The following CACNA1B variants were observed in gnomAD, a reference collection of about 807,000 sequenced individuals.
The protein encoded by CACNA1B is voltage-dependent N-type calcium channel subunit alpha-1B.
CACNA1B carries 70 observed loss-of-function variants against 247.2 expected under a neutral mutation model. The observed-to-expected ratio is 0.28, with a 90% CI of 0.23 to 0.35. CACNA1B has a LOEUF of 0.35. CACNA1B is among the 10% of genes least tolerant of loss of function. CACNA1B has a pLI of 1.00. For missense variants in CACNA1B, 2,367 were observed against 3,197.4 expected (o/e 0.74, Z 6.26); for synonymous variants, 1,231 against 1,294.4 (o/e 0.95, Z 1.05).
In CACNA1B at chr9:138,120,205, C is replaced by T. The variant is rs1317101682; in HGVS notation, c.6071C>T (p.Thr2024Met). ...DASPMKRSIS[T>M]LAQRPRGTHL... The stretch of plus-strand genomic sequence containing the variant: ...AGCCCCATGAAGCGCTCCATCTCCA[C>T]GCTGGCCCAGCGGCCCCGTGGGACT... Residue 2024 changes from threonine (T) to methionine (M), a missense_variant, in exon 45 of 47, where the codon ACG becomes ATG. Coordinates refer to ENST00000371372, the MANE Select transcript of CACNA1B (RefSeq NM_000718.4). The T allele has an allele frequency of 5.6e-6, 9 of 1,608,718 alleles. No individual in the cohort carries two copies. The highest frequency in any genetic ancestry group is 2.2e-5 in the South Asian group (2 of 89,672).
At chr9:138,003,438 C>T (rs1030330651) in intron 15 of CACNA1B, among the ~76,000 whole-genome samples, 3 of 151,634 alleles carry the variant, frequency 2.0e-5, no homozygotes, top group African/African-American at 7.3e-5. Flanking sequence ...CCACTCCTGG[C>T]CGTGTGTGTT....
At chr9:138,097,984 A>G (rs1399080749) in intron 37 of CACNA1B, among the ~76,000 whole-genome samples, 1 of 152,150 alleles carries the variant, frequency 6.6e-6, no homozygotes, top group Non-Finnish European at 1.5e-5. Context: ...CAGTCTGGAC[A>G]AGGTCCAGAG....
chr9:138,105,516 G>A (rs1015159993), intron 38 of CACNA1B, among the ~76,000 whole-genome samples, 183 bp from the exon 39 acceptor site: 8 of 152,162 alleles, frequency 5.3e-5, no homozygotes, highest in Non-Finnish European at 1.0e-4. Context: ...GGGGCGGGGA[G>A]TCCAGGGGAG....
intron 3 of CACNA1B, among the ~76,000 whole-genome samples, chr9:137,896,702 AG>A (rs527666054): frequency 1.3e-5 from 2 of 152,248 alleles, no homozygotes; most frequent in Non-Finnish European, 2.9e-5. Flanking sequence ...AAACGGAATT[AG>A]TTCTTTAATG....
chr9:137,901,086 T>C (rs937632408), intron 3 of CACNA1B, among the ~76,000 whole-genome samples: 1 of 148,748 alleles, frequency 6.7e-6, no homozygotes, highest in African/African-American at 2.5e-5. Context: ...TGTCCCTGTG[T>C]CTGTGTCTGT....
Position 138,052,477 on chromosome 9 carries a change from A to G in CACNA1B, c.3807+289A>G, listed in dbSNP as rs959248897. ...CGGGAAAGGCTGCCGGGACAGGTGCAGGGTGGTGGAGGGAGATGCTGGAGG... is the reference window on the plus strand; with the variant it reads ...CGGGAAAGGCTGCCGGGACAGGTGCGGGGTGGTGGAGGGAGATGCTGGAGG... On this transcript the variant is annotated intron_variant, in intron 25 of 46. Transcript: ENST00000371372. The surrounding 1 kb of genome is among the most constrained non-coding windows in gnomAD (Gnocchi z 5.1). Among the ~76,000 whole-genome samples the G allele has an allele frequency of 6.6e-6, 1 of 152,090 alleles. No homozygotes were observed. The highest frequency in any genetic ancestry group is 2.4e-5 in the African/African-American group (1 of 41,408).
rs577958174 is a variant in CACNA1B at position 137,965,863 on chromosome 9, G to A, written c.1334-5520G>A. ...CTCCCAAAGTGTGGGGATTACAGGC[G>A]TGAGCCACTGTGCCCAGCTCATTTT... On this transcript the variant is annotated intron_variant, in intron 10 of 46. Transcript: ENST00000371372. Among the ~76,000 whole-genome samples the A allele has an allele frequency of 7.2e-5, 11 of 152,310 alleles. No individual in the cohort carries two copies. The South Asian group carries it at 2.1e-3, about 29-fold the overall frequency.
At chr9:138,000,130 G>A (rs1448515199) in intron 15 of CACNA1B, among the ~76,000 whole-genome samples, 3 of 146,404 alleles carry the variant, frequency 2.0e-5, no homozygotes, top group Non-Finnish European at 3.0e-5. Flanking sequence ...ATGGAGTCTC[G>A]CTCTGTCGCC....
chr9:137,901,916 C>G (rs1486406464), intron 3 of CACNA1B, among the ~76,000 whole-genome samples: 8 of 152,076 alleles, frequency 5.3e-5, no homozygotes, highest in Non-Finnish European at 8.8e-5. Flanking sequence ...GCGTGGAACT[C>G]TTGACCTCAA....
At chr9:137,925,164 A>G (rs1420727084) in intron 6 of CACNA1B, among the ~76,000 whole-genome samples, 4 of 152,210 alleles carry the variant, frequency 2.6e-5, no homozygotes, top group Non-Finnish European at 2.9e-5. Context: ...AACAGGAAAT[A>G]AGTTCAACGA....
rs999784416 is a variant in CACNA1B at position 138,121,368 on chromosome 9, C to T, written c.6490-101C>T. On this transcript the variant is annotated intron_variant, in intron 46 of 46. Coordinates refer to ENST00000371372, the MANE Select transcript of CACNA1B (RefSeq NM_000718.4). This position sits in a 1 kb window ranked among gnomAD's most constrained non-coding sequence, Gnocchi z 6.8. ...GTCCCCCATTGCCTCCCTCTCTCCT[C>T]CCATCCCCCCAGGCACCTGTGTGTG... The T allele has an allele frequency of 1.1e-5, 10 of 924,348 alleles. No individual in the cohort carries two copies. In the South Asian group the frequency reaches 1.7e-4, roughly 16 times the overall value. 57.3% of individuals were successfully genotyped at this position (924,348 alleles called of 1,614,324 possible). A position where few individuals can be genotyped will look rare whatever the true frequency, so the allele number is the denominator to read the frequency against.
intron 18 of CACNA1B, among the ~76,000 whole-genome samples, chr9:138,013,578 T>G (rs952432099): frequency 2.0e-5 from 3 of 152,226 alleles, no homozygotes; most frequent in African/African-American, 7.2e-5. Flanking sequence ...GTTGCTTTTA[T>G]GCACAGCTTT....
intron 36 of CACNA1B, among the ~76,000 whole-genome samples, chr9:138,087,763 T>C (rs914137418): frequency 1.1e-5 from 1 of 87,696 alleles, no homozygotes; most frequent in African/African-American, 4.1e-5. Context: ...AAGAAAAAAA[T>C]ATTGAAACAA....
chr9:138,071,157 C>T (rs1192247269), intron 32 of CACNA1B, among the ~76,000 whole-genome samples: 1 of 152,224 alleles, frequency 6.6e-6, no homozygotes, highest in Non-Finnish European at 1.5e-5. Context: ...ACTGGGTGTC[C>T]CCGTGTTTCT....
intron 39 of CACNA1B, among the ~76,000 whole-genome samples, chr9:138,109,494 G>T (rs7357733): frequency 0.52 from 79,135 of 152,038 alleles, 22,224 homozygotes; most frequent in African/African-American, 0.73. Context: ...AAACAGACTT[G>T]CCTCTGTGTG....
intron 37 of CACNA1B, among the ~76,000 whole-genome samples, chr9:138,096,820 T>C (rs1397549479): frequency 6.8e-6 from 1 of 146,888 alleles, no homozygotes. Context: ...CTTCGCGCAG[T>C]GGCCCGGACT....
At chr9:137,985,747 C>T (rs1279916682) in intron 13 of CACNA1B, among the ~76,000 whole-genome samples, 1 of 152,210 alleles carries the variant, frequency 6.6e-6, no homozygotes, top group Non-Finnish European at 1.5e-5. Context: ...GGACCGGCCC[C>T]TCAGTTGCCA....
intron 6 of CACNA1B, among the ~76,000 whole-genome samples, chr9:137,923,923 C>T (rs1170324864): frequency 6.6e-6 from 1 of 152,168 alleles, no homozygotes; most frequent in Non-Finnish European, 1.5e-5. Flanking sequence ...ACTTATTTGC[C>T]ATCTGTGTAT....
intron 44 of CACNA1B, among the ~76,000 whole-genome samples, 187 bp downstream of exon 44, chr9:138,118,955 C>A (rs1961976119): frequency 6.6e-6 from 1 of 152,086 alleles, no homozygotes; most frequent in South Asian, 2.1e-4. Flanking sequence ...GACAGAGGTG[C>A]AGCCTGGACG....
Sources: allele counts gnomAD v4.1 joint callset (sites outside exome capture counted in the v4.1 genomes callset), GRCh38; gene constraint gnomAD v4.1.1; non-coding constraint Gnocchi (gnomAD v3.1); transcripts MANE v1.5; gene names NCBI Gene and HGNC (gene_info 2026-07-23, HGNC 2026-07-21).